The following DDX25 variants were observed in gnomAD, a reference collection of about 807,000 sequenced individuals.
DDX25 encodes ATP-dependent RNA helicase DDX25.
DDX25 carries 70 observed loss-of-function variants against 64.6 expected under a neutral mutation model. That is an observed-to-expected ratio of 1.08 (90% CI 0.89 to 1.32). The LOEUF is 1.32. Ranked by LOEUF, DDX25 falls within the 40% of genes most tolerant of loss-of-function variation. The pLI, the probability that DDX25 is intolerant of heterozygous loss-of-function variation, is 0.00. For synonymous variants in DDX25, 211 were observed against 213.3 expected, an observed-to-expected ratio of 0.99 and a Z score of 0.09; for missense variants, 587 against 604.4, an observed-to-expected ratio of 0.97 and a Z score of 0.30.
At chr11:125,904,142 C>T (rs1182197495), upstream of DDX25, among the ~76,000 whole-genome samples, 1 of 152,212 alleles carries the variant, frequency 6.6e-6, no homozygotes, top group East Asian at 1.9e-4. Flanking sequence ...GGGCGTAAAG[C>T]GCGGCGGGGA....
rs1321190090 is a variant in DDX25, at chr11:125,925,726, G to A, written c.*2845G>A. On this transcript the variant is annotated 3_prime_UTR_variant, in exon 12 of 12. Transcript: ENST00000263576. ...GTAGAGCAGGACTGTGATTTCCAGT[G>A]GGTAAGTGAACACCTCGCATGGAAC... 1 of 276,872 alleles carries A rather than the reference G, an allele frequency of 3.6e-6. No individual in the cohort carries two copies. Among genetic ancestry groups the A allele is most frequent in the Non-Finnish European group, 7.4e-6 (1 of 135,664 alleles). 17.2% of individuals were successfully genotyped at this position (276,872 alleles called of 1,614,324 possible).
At chr11:125,904,665 G>C (rs1312890171) in intron 1 of DDX25, 85 bp downstream of exon 1, 2 of 1,390,340 alleles carry the variant, frequency 1.4e-6, no homozygotes, top group Non-Finnish European at 1.9e-6. Flanking sequence ...GGGAGGGAGA[G>C]CCCGCGAGCG....
intron 4 of DDX25, among the ~76,000 whole-genome samples, chr11:125,906,601 G>T (rs1449148715): frequency 1.3e-5 from 2 of 152,096 alleles, no homozygotes; most frequent in Non-Finnish European, 2.9e-5. Context: ...GAGGAGGGCA[G>T]ATCGCCCGAG....
At chr11:125,906,802 T>C (rs1944894362) in intron 4 of DDX25, among the ~76,000 whole-genome samples, 1 of 123,186 alleles carries the variant, frequency 8.1e-6, no homozygotes, top group African/African-American at 3.1e-5. Flanking sequence ...CAAGCCTGGG[T>C]GACAGAGTGA....
At position 125,922,948 on chromosome 11, in the gene DDX25, T is replaced by G. The variant is rs1237755143; in HGVS notation, c.*67T>G. ...AGAATGTCTCAGTGGGTTTTGAAGG[T>G]AATTTTTTTATGTTGAGGCTTTTTC... On this transcript the variant is annotated 3_prime_UTR_variant, in exon 12 of 12. Transcript: ENST00000263576. The G allele has an allele frequency of 5.6e-6, 8 of 1,436,162 alleles. No individual in the cohort carries two copies. Among genetic ancestry groups the G allele is most frequent in the Non-Finnish European group, 6.6e-6 (7 of 1,058,536 alleles). The allele number at this position is 1,436,162 out of a possible 1,614,324, so 89.0% of individuals were successfully genotyped here. A position where few individuals can be genotyped will look rare whatever the true frequency, so the allele number is the denominator to read the frequency against.
chr11:125,909,168 C>A (rs2134275839), intron 6 of DDX25, among the ~76,000 whole-genome samples: 1 of 152,300 alleles, frequency 6.6e-6, no homozygotes, highest in South Asian at 2.1e-4. Context: ...ATTTGCTTGA[C>A]AAGCTGAGTA....
chr11:125,907,897 A>G (rs896202115), intron 4 of DDX25, among the ~76,000 whole-genome samples: 2 of 152,188 alleles, frequency 1.3e-5, no homozygotes, highest in African/African-American at 4.8e-5. Context: ...GCAAGCAGAT[A>G]TATTCTTTTT....
chr11:125,909,009 C>G (rs769263847), intron 6 of DDX25, among the ~76,000 whole-genome samples: 9 of 152,242 alleles, frequency 5.9e-5, no homozygotes, highest in Non-Finnish European at 1.2e-4. Flanking sequence ...CCACCTCACT[C>G]TAGCAGAGGA....
chr11:125,918,823 T>G (rs762288270), intron 10 of DDX25, 33 bp downstream of exon 10: 2 of 1,533,098 alleles, frequency 1.3e-6, no homozygotes, highest in Admixed American at 4.1e-5. Flanking sequence ...TGAGTTCTAA[T>G]TTGCATATGA....
rs372680880 is a variant in DDX25 at position 125,918,828 on chromosome 11, A to C, written c.1201+38A>C. 5 of 1,527,752 alleles carry C rather than the reference A, an allele frequency of 3.3e-6. No homozygotes were observed. In the East Asian group the frequency reaches 9.9e-5, roughly 30 times the overall value. The allele number at this position is 1,527,752 out of a possible 1,614,324, so 94.6% of individuals were successfully genotyped here. A position where few individuals can be genotyped will look rare whatever the true frequency, so the allele number is the denominator to read the frequency against. ...AGTCAGGTCTTGAGTTCTAATTTGC[A>C]TATGATAAAATGCATTCCTTTTAAG... On this transcript the variant is annotated intron_variant, in intron 10 of 11. Coordinates refer to ENST00000263576, the MANE Select transcript of DDX25 (RefSeq NM_013264.5).
At chr11:125,913,501 G>A (rs4937069) in intron 8 of DDX25, among the ~76,000 whole-genome samples, 98,361 of 151,936 alleles carry the variant, frequency 0.65, 32,194 homozygotes, top group Admixed American at 0.72. Context: ...TCTAAATTCA[G>A]AGAAATGTTG....
rs1306195012 is a variant in DDX25, at chr11:125,910,431, A to C, written c.575A>C (p.Lys192Thr). The C allele has an allele frequency of 3.1e-6, 5 of 1,613,856 alleles. No individual in the cohort carries two copies. Among genetic ancestry groups the C allele is most frequent in the Non-Finnish European group, 3.4e-6 (4 of 1,179,890 alleles). ...QTGRVVEQMG[K>T]FCVDVQVMYA... ...GGCCGTGTGGTTGAGCAGATGGGAAAATTCTGTGTGGATGTTCAAGTGATG... is the reference window on the plus strand; with the variant it reads ...GGCCGTGTGGTTGAGCAGATGGGAACATTCTGTGTGGATGTTCAAGTGATG... The change falls in exon 7 of 12, where the codon AAA (lysine) becomes ACA (threonine). Residue 192 changes from lysine to threonine, a missense_variant. By Grantham distance (78) the Lys-to-Thr change is moderately conservative. Coordinates refer to ENST00000263576, the MANE Select transcript of DDX25 (RefSeq NM_013264.5).
rs1944860794 is a variant in DDX25, at chr11:125,904,915, C to G, written c.64-297C>G. ...CCTCGCTTCCATCCATTTGCCAGCG[C>G]ACTTTCCTAGCCACCCTCCCCTTGT... On this transcript the variant is annotated intron_variant, in intron 1 of 11. Coordinates refer to ENST00000263576, the MANE Select transcript of DDX25 (RefSeq NM_013264.5). The G allele has an allele frequency of 1.6e-5, 9 of 549,036 alleles. No individual in the cohort carries two copies. In the South Asian group the frequency reaches 2.0e-4, roughly 12 times the overall value. The allele number at this position is 549,036 out of a possible 1,614,324, so 34.0% of individuals were successfully genotyped here. A position where few individuals can be genotyped will look rare whatever the true frequency, so the allele number is the denominator to read the frequency against.
Position 125,923,011 on chromosome 11 carries a change from G to T in DDX25, c.*130G>T. On this transcript the variant is annotated 3_prime_UTR_variant, in exon 12 of 12. Transcript: ENST00000263576. ...TCACAGATGGCAAAATAAATGTCAC[G>T]GTACTTAGTTTTAAGACATGAGGTC... 1.3e-6 allele frequency: 1 copy of T among 761,548 alleles called. No homozygotes were observed. Among genetic ancestry groups the T allele is most frequent in the Non-Finnish European group, 2.1e-6 (1 of 485,016 alleles). 47.2% of individuals were successfully genotyped at this position (761,548 alleles called of 1,614,324 possible).
chr11:125,904,288 CCCG>C, upstream of DDX25: 1 of 364,680 alleles, frequency 2.7e-6, no homozygotes, highest in Non-Finnish European at 4.9e-6. Context: ...TGCCCTCCGC[CCCG>C]CTCTCTGCCC....
Position 125,911,433 on chromosome 11 carries a change from G to A in DDX25, c.745G>A (p.Ala249Thr). 1 of 1,613,934 alleles carries A rather than the reference G, an allele frequency of 6.2e-7. No homozygotes were observed. Among genetic ancestry groups the A allele is most frequent in the Non-Finnish European group, 8.5e-7 (1 of 1,179,868 alleles). Residue 249 changes from alanine to threonine, a missense_variant, in exon 8 of 12, where the codon GCA becomes ACA. Transcript: ENST00000263576. Reference sequence around the variant, plus strand: ...GATTCGTGTGTTTGTCCTGGATGAAGCAGATGTGATGATTGACACTCAAGG... The same window carrying A: ...GATTCGTGTGTTTGTCCTGGATGAAACAGATGTGATGATTGACACTCAAGG... ...TKIRVFVLDE[A>T]DVMIDTQGFS...
Position 125,925,564 on chromosome 11 carries a change from G to A in DDX25, c.*2683G>A. 1 of 425,108 alleles carries A rather than the reference G, an allele frequency of 2.4e-6. No individual in the cohort carries two copies. Among genetic ancestry groups the A allele is most frequent in the Non-Finnish European group, 4.9e-6 (1 of 205,086 alleles). 26.3% of individuals were successfully genotyped at this position (425,108 alleles called of 1,614,324 possible). A position where few individuals can be genotyped will look rare whatever the true frequency, so the allele number is the denominator to read the frequency against. ...AGGACAGAGTAGATAGAGAGGCAAG[G>A]AAACACCAGGTGATTTCAGTGCAAC... On this transcript the variant is annotated 3_prime_UTR_variant, in exon 12 of 12. Coordinates refer to ENST00000263576, the MANE Select transcript of DDX25 (RefSeq NM_013264.5).
At chr11:125,920,208 G>A (rs112057034) in intron 10 of DDX25, among the ~76,000 whole-genome samples, 2,265 of 152,278 alleles carry the variant, frequency 0.015, 66 homozygotes, top group African/African-American at 0.052. Flanking sequence ...AGGCCGAGGC[G>A]GGTGGATTGC....
intron 4 of DDX25, among the ~76,000 whole-genome samples, chr11:125,906,609 G>A (rs537860686): frequency 2.6e-4 from 39 of 152,096 alleles, no homozygotes; most frequent in African/African-American, 6.3e-4. Flanking sequence ...CAGATCGCCC[G>A]AGGGTCAGGA....
Sources: gnomAD v4.1 joint callset for allele counts (sites outside exome capture counted in the v4.1 genomes callset) on GRCh38, gnomAD v4.1.1 for gene constraint, MANE v1.5 for transcripts, NCBI Gene and HGNC (gene_info 2026-07-23, HGNC 2026-07-21) for gene names.